The following SCIN variants were observed in gnomAD, a reference collection of about 807,000 sequenced individuals.
SCIN encodes adseverin.
In SCIN, 91 loss-of-function variants were observed where a neutral mutation model predicts 91.8. That is an observed-to-expected ratio of 0.99 (90% CI 0.84 to 1.18). SCIN has a LOEUF of 1.18. Ranked by LOEUF, SCIN falls within the 50% of genes most tolerant of loss-of-function variation. SCIN has a pLI of 0.00. For synonymous variants in SCIN, 367 were observed against 312.6 expected (o/e 1.17, Z -1.84); for missense variants, 1,087 against 863.9 (o/e 1.26, Z -3.24).
intron 13 of SCIN, among the ~76,000 whole-genome samples, chr7:12,647,430 C>T (rs1387244016): frequency 2.0e-5 from 3 of 152,290 alleles, no homozygotes; most frequent in East Asian, 3.9e-4. Flanking sequence ...ACTAAAAGCA[C>T]AGCTTTTAGA....
At chr7:12,639,296 A>G (rs1783812392) in intron 10 of SCIN, among the ~76,000 whole-genome samples, 1 of 152,250 alleles carries the variant, frequency 6.6e-6, no homozygotes, top group African/African-American at 2.4e-5. Flanking sequence ...TATAACTGAC[A>G]AAACGTTTCC....
At chr7:12,640,301 C>T (rs763289439) in intron 10 of SCIN, 46 bp from the exon 11 acceptor site, 4 of 1,438,874 alleles carry the variant, frequency 2.8e-6, no homozygotes, top group Non-Finnish European at 3.7e-6. Flanking sequence ...CCTTCTTTCA[C>T]AGCACTCTTA....
At chr7:12,647,099 T>C (rs1382416211) in intron 13 of SCIN, among the ~76,000 whole-genome samples, 1 of 152,236 alleles carries the variant, frequency 6.6e-6, no homozygotes, top group Non-Finnish European at 1.5e-5. Context: ...TTAACATTGC[T>C]ATAAATTAGT....
chr7:12,591,515 A>G (rs1019774040), intron 3 of SCIN, among the ~76,000 whole-genome samples: 3 of 152,200 alleles, frequency 2.0e-5, no homozygotes, highest in African/African-American at 7.2e-5. Context: ...ACCGAGGGCT[A>G]TTCCTCAGCT....
At chr7:12,597,227 T>C (rs1782861925) in intron 3 of SCIN, among the ~76,000 whole-genome samples, 1 of 152,234 alleles carries the variant, frequency 6.6e-6, no homozygotes, top group South Asian at 2.1e-4. Context: ...CAAATCATTG[T>C]TTTTAAACTA....
At chr7:12,607,635 A>G (rs955877771) in intron 4 of SCIN, among the ~76,000 whole-genome samples, 4 of 152,192 alleles carry the variant, frequency 2.6e-5, no homozygotes, top group Admixed American at 1.3e-4. Context: ...TTTTCATTCA[A>G]TACATTCAGT....
chr7:12,598,926 A>C (rs926369378), intron 3 of SCIN, among the ~76,000 whole-genome samples: 2 of 152,134 alleles, frequency 1.3e-5, no homozygotes, highest in Non-Finnish European at 2.9e-5. Context: ...AGAGAGAGAG[A>C]AAGAAAAAAA....
chr7:12,649,618 G>A, intron 14 of SCIN, 74 bp downstream of exon 14: 2 of 950,840 alleles, frequency 2.1e-6, no homozygotes, highest in South Asian at 2.9e-5. Flanking sequence ...TCTGAGAAAT[G>A]GTAAGTCTAG....
At chr7:12,578,506 T>C (rs1462302915) in intron 2 of SCIN, among the ~76,000 whole-genome samples, 2 of 152,144 alleles carry the variant, frequency 1.3e-5, no homozygotes, top group Non-Finnish European at 2.9e-5. Context: ...CAAGATACCT[T>C]TGTAATATTT....
At chr7:12,648,285 C>T (rs1000208340) in intron 13 of SCIN, among the ~76,000 whole-genome samples, 1 of 144,270 alleles carries the variant, frequency 6.9e-6, no homozygotes, top group Non-Finnish European at 1.5e-5. Context: ...TTGACTTTTT[C>T]TCTCTCTCTC....
At chr7:12,588,907 G>C (rs1406986732) in intron 3 of SCIN, 1 of 149,888 alleles carries the variant, frequency 6.7e-6, no homozygotes, top group African/African-American at 2.5e-5. Context: ...GAAGAGGGGC[G>C]CCGTTGTCCT....
intron 4 of SCIN, among the ~76,000 whole-genome samples, chr7:12,620,142 G>A (rs1040928660): frequency 2.0e-5 from 3 of 151,858 alleles, no homozygotes; most frequent in African/African-American, 7.3e-5. Flanking sequence ...AGAAGTATAA[G>A]TTGTGAAATG....
intron 4 of SCIN, among the ~76,000 whole-genome samples, chr7:12,614,738 C>G (rs1783265015): frequency 6.6e-6 from 1 of 152,308 alleles, no homozygotes. Context: ...TGTCCCAGAA[C>G]CTGCCTTGTA....
At chr7:12,610,372 G>A (rs2041117) in intron 4 of SCIN, among the ~76,000 whole-genome samples, 53,171 of 152,016 alleles carry the variant, frequency 0.35, 9,824 homozygotes, top group African/African-American at 0.45. Flanking sequence ...TACAAAGCCT[G>A]TTAAGGCAAA....
At chr7:12,588,137 A>G (rs573122535) in intron 3 of SCIN, among the ~76,000 whole-genome samples, 16 of 152,334 alleles carry the variant, frequency 1.1e-4, no homozygotes, top group African/African-American at 3.6e-4. Context: ...AATGCATACC[A>G]CTAGATTTAT....
intron 13 of SCIN, among the ~76,000 whole-genome samples, chr7:12,647,972 C>T (rs560982241): frequency 7.2e-5 from 11 of 152,198 alleles, no homozygotes; most frequent in Middle Eastern, 6.8e-3. Flanking sequence ...TCCATAGCAC[C>T]GCAAAGTCAC....
chr7:12,607,073 C>T (rs562208826), intron 4 of SCIN, among the ~76,000 whole-genome samples: 2 of 152,320 alleles, frequency 1.3e-5, no homozygotes, highest in African/African-American at 4.8e-5. Context: ...GATTCAGGAA[C>T]AGGACTTGCC....
In SCIN at chr7:12,656,069, C is replaced by T. The variant is rs193244105; in HGVS notation, c.*3354C>T. 36 of 152,296 alleles carry T rather than the reference C, an allele frequency of 2.4e-4. No individual in the cohort carries two copies. The highest frequency in any genetic ancestry group is 7.7e-4 in the African/African-American group (32 of 41,562). The allele number at this position is 152,296 out of a possible 1,614,324, so 9.4% of individuals were successfully genotyped here. On this transcript the variant is annotated 3_prime_UTR_variant, in exon 16 of 16. Coordinates refer to ENST00000297029, the MANE Select transcript of SCIN (RefSeq NM_001112706.3). ...AGCACAATCCTCAGTGTTCTCTTCT[C>T]GTCTTAGATAGCTCATCAAATAATA...
chr7:12,573,888 G>T (rs1202630926), intron 1 of SCIN, among the ~76,000 whole-genome samples: 1 of 152,140 alleles, frequency 6.6e-6, no homozygotes, highest in Non-Finnish European at 1.5e-5. Context: ...ACGATACAAA[G>T]AACTTATACG....
Sources: allele counts gnomAD v4.1 joint callset (sites outside exome capture counted in the v4.1 genomes callset), GRCh38; gene constraint gnomAD v4.1.1; transcripts MANE v1.5; gene names NCBI Gene and HGNC (gene_info 2026-07-23, HGNC 2026-07-21).